TRIM14: variants seen among roughly 807,000 people sequenced by gnomAD.
TRIM14 encodes tripartite motif containing 14, also known as tripartite motif-containing protein 14.
In TRIM14, 28 loss-of-function variants were observed where a neutral mutation model predicts 44.5. The observed-to-expected ratio is 0.63, with a 90% CI of 0.47 to 0.86. TRIM14 has a LOEUF of 0.86. Ranked by LOEUF, TRIM14 falls within the 40% of genes least tolerant of loss-of-function variation. TRIM14 has a pLI of 0.00. For missense variants in TRIM14, 607 were observed against 611.1 expected (o/e 0.99, Z 0.07); for synonymous variants, 299 against 269.2 (o/e 1.11, Z -1.08).
downstream of TRIM14, among the ~76,000 whole-genome samples, chr9:98,067,084 A>T (rs1829170288): frequency 6.6e-6 from 1 of 152,144 alleles, no homozygotes; most frequent in South Asian, 2.1e-4. Context: ...ATATATCAGT[A>T]CTTCATTTCT....
chr9:98,087,629 C>T lies in TRIM14; in HGVS notation c.1170G>A (p.Arg390=), dbSNP rs1825831048. Residue 390 remains arginine, a synonymous_variant, in exon 6 of 6, where the codon CGG becomes CGA. Coordinates refer to ENST00000341469, the MANE Select transcript of TRIM14 (RefSeq NM_014788.4). ...SRLRPRDDLD[R]LGVFLDYEAG... is the part of the protein sequence containing the mutation. ...CCTCGTAGTCCAGGAAGACGCCGAG[C>T]CGGTCGAGGTCGTCGCGGGGCCGCA... 1 of 1,604,494 alleles carries T rather than the reference C, an allele frequency of 6.2e-7. No homozygotes were observed.
chr9:98,073,124 TCC>T (rs1247249301), intron 6 of TRIM14, among the ~76,000 whole-genome samples: 1 of 152,072 alleles, frequency 6.6e-6, no homozygotes, highest in Non-Finnish European at 1.5e-5. Context: ...ACAGTGGCCA[TCC>T]CAGCAAAGCC....
At chr9:98,078,015 G>A (rs2117963087) in intron 6 of TRIM14, 2 of 829,110 alleles carry the variant, frequency 2.4e-6, no homozygotes, top group Non-Finnish European at 1.8e-6. Flanking sequence ...CACCTTTCCT[G>A]TGGCCGAGGG....
chr9:98,056,876 C>A, the TRIM14 span: 42 of 1,611,906 alleles, frequency 2.6e-5, no homozygotes, highest in Non-Finnish European at 3.3e-5. Flanking sequence ...TTCATCATTG[C>A]CGAGATCGGC....
chr9:98,091,951 A>T lies in TRIM14; in HGVS notation c.751T>A (p.Leu251Met). Reference protein sequence around the residue: ...DPSSTKPGTLLKTSPSPERSL... With the variant: ...DPSSTKPGTLMKTSPSPERSL... The stretch of plus-strand genomic sequence containing the variant: ...CGCTCTGGTGAGGGGCTGGTTTTCA[A>T]CAAGGTACCTGGCTTGGTGCTGGAA... The change falls in exon 5 of 6, where the codon TTG (leucine) becomes ATG (methionine). Residue 251 changes from leucine to methionine, a missense_variant. Physicochemically the swap from Leu to Met is conservative, Grantham distance 15. Transcript: ENST00000341469. 6.2e-7 allele frequency: 1 copy of T among 1,610,906 alleles called. No individual in the cohort carries two copies. The highest frequency in any genetic ancestry group is 8.5e-7 in the Non-Finnish European group (1 of 1,177,714).
chr9:98,080,291 C>T (rs1829795932), downstream of TRIM14, among the ~76,000 whole-genome samples: 1 of 152,200 alleles, frequency 6.6e-6, no homozygotes, highest in Non-Finnish European at 1.5e-5. Context: ...TTTCTGGTCA[C>T]CCTCACCAAC....
Position 98,087,695 on chromosome 9 carries a change from G to T in TRIM14, c.1104C>A (p.Asp368Glu). Residue 368 changes from aspartate to glutamate, a missense_variant, in exon 6 of 6, where the codon GAC becomes GAA. Asp to Glu is a conservative substitution (Grantham distance 45). This residue lies in a region of TRIM14 where 356 missense variants were observed against 323.0 expected (regional missense o/e 1.10). Coordinates refer to ENST00000341469, the MANE Select transcript of TRIM14 (RefSeq NM_014788.4). ...CGTCGTGGAAGGCCCAGTACTCAAG[G>T]TCGTAGCGCTTGAGGCACCAGGACT... ...NRQSWCLKRYDLEYWAFHDGQ... is the reference protein window; with the variant it reads ...NRQSWCLKRYELEYWAFHDGQ... 6.2e-7 allele frequency: 1 copy of T among 1,600,034 alleles called. No individual in the cohort carries two copies. The highest frequency in any genetic ancestry group is 1.1e-5 in the South Asian group (1 of 90,636).
intron 3 of TRIM14, among the ~76,000 whole-genome samples, chr9:98,098,726 A>C (rs1354901385): frequency 6.6e-6 from 1 of 152,082 alleles, no homozygotes; most frequent in Non-Finnish European, 1.5e-5. Context: ...AAAAGTAGAC[A>C]GGAACACCAT....
chr9:98,070,871 C>A (rs1259716578), intron 6 of TRIM14, among the ~76,000 whole-genome samples: 1 of 150,150 alleles, frequency 6.7e-6, no homozygotes, highest in East Asian at 1.9e-4. Flanking sequence ...GCAGCACAAT[C>A]ATAGCTCATA....
At chr9:98,092,759 A>T (rs1826044432) in intron 4 of TRIM14, among the ~76,000 whole-genome samples, 1 of 152,182 alleles carries the variant, frequency 6.6e-6, no homozygotes, top group South Asian at 2.1e-4. Context: ...ATTGTGTTCA[A>T]ATTAGGCGAA....
At chr9:98,039,451 C>G in the TRIM14 span, among the ~76,000 whole-genome samples, 1 of 152,150 alleles carries the variant, frequency 6.6e-6, no homozygotes, top group Admixed American at 6.5e-5. Context: ...TAAACAAAGA[C>G]AGTAACAGCC....
At chr9:98,117,276 T>A (rs1257995256) in intron 1 of TRIM14, among the ~76,000 whole-genome samples, 1 of 147,530 alleles carries the variant, frequency 6.8e-6, no homozygotes, top group Non-Finnish European at 1.5e-5. Flanking sequence ...AGATTCTCTG[T>A]TTTATTTATT....
At chr9:98,056,336 GCTGGACTCGATCCAGCT>G in the TRIM14 span, among the ~76,000 whole-genome samples, 1 of 151,972 alleles carries the variant, frequency 6.6e-6, no homozygotes, top group Admixed American at 6.5e-5. Context: ...ACTGGCATAG[GCTGGACTCGATCCAGCT>G]CTGTGATTCT....
intron 6 of TRIM14, chr9:98,076,950 T>C: frequency 1.2e-6 from 2 of 1,612,610 alleles, no homozygotes; most frequent in African/African-American, 1.3e-5. Context: ...AACTGAATGT[T>C]CCATTTTTCA....
At chr9:98,054,843 AT>A in the TRIM14 span, among the ~76,000 whole-genome samples, 1 of 152,170 alleles carries the variant, frequency 6.6e-6, no homozygotes, top group East Asian at 1.9e-4. Flanking sequence ...GAGCCCCCAA[AT>A]TTTTAACTGC....
the TRIM14 span, among the ~76,000 whole-genome samples, chr9:98,057,922 G>GTTTTTTTTTTTTTT: frequency 3.8e-5 from 3 of 78,086 alleles, no homozygotes; most frequent in African/African-American, 5.4e-5. Context: ...TTTTTTCCTG[G>GTTTTTTTTTTTTTT]TTTTTTTTTT....
the TRIM14 span, among the ~76,000 whole-genome samples, chr9:98,038,238 G>C: frequency 6.6e-6 from 1 of 152,026 alleles, no homozygotes; most frequent in African/African-American, 2.4e-5. Context: ...TTTTAGTAGA[G>C]ATGGGTTTTC....
chr9:98,047,161 TAGTG>T, the TRIM14 span, among the ~76,000 whole-genome samples: 1 of 152,168 alleles, frequency 6.6e-6, no homozygotes, highest in Non-Finnish European at 1.5e-5. Context: ...GTTCTCATGG[TAGTG>T]AGTAAGTCTC....
the TRIM14 span, among the ~76,000 whole-genome samples, chr9:98,047,653 T>C: frequency 6.6e-6 from 1 of 152,042 alleles, no homozygotes; most frequent in African/African-American, 2.4e-5. Context: ...ATGAGAGAAA[T>C]TTAGTGTGTA....
Sources: gnomAD v4.1 joint callset for allele counts (sites outside exome capture counted in the v4.1 genomes callset) on GRCh38, gnomAD v4.1.1 for gene constraint, gnomAD v4.1.1 regional missense constraint, MANE v1.5 for transcripts, NCBI Gene and HGNC (gene_info 2026-07-23, HGNC 2026-07-21) for gene names.